TNNT2: variants seen among roughly 807,000 people sequenced by gnomAD.
TNNT2 encodes the protein troponin T, cardiac muscle.
TNNT2 carries 34 observed loss-of-function variants against 62.4 expected under a neutral mutation model. That is an observed-to-expected ratio of 0.54 (90% CI 0.41 to 0.72). The LOEUF (loss-of-function observed/expected upper bound fraction) is 0.72. Ranked by LOEUF, TNNT2 falls within the 30% of genes least tolerant of loss-of-function variation. The pLI is 0.00. For synonymous variants in TNNT2, 123 were observed against 127.2 expected (o/e 0.97, Z 0.22); for missense variants, 275 against 381.9 (o/e 0.72, Z 2.33).
intron 5 of TNNT2, chr1:201,369,251 A>G: frequency 2.1e-6 from 1 of 470,070 alleles, no homozygotes; most frequent in South Asian, 1.6e-5. Context: ...CGCACTTTCT[A>G]AAATTAAGCC....
chr1:201,363,621 G>T, intron 11 of TNNT2: 1 of 560,304 alleles, frequency 1.8e-6, no homozygotes, highest in Non-Finnish European at 3.2e-6. Context: ...ATTCCCAAAT[G>T]TGAGGTCTCG....
intron 5 of TNNT2, 95 bp from the exon 6 acceptor site, chr1:201,368,322 G>A (rs1558239566): frequency 3.1e-6 from 4 of 1,305,272 alleles, no homozygotes; most frequent in African/African-American, 2.9e-5. Flanking sequence ...GAGTGGGGAT[G>A]GGGGTCAAGA....
chr1:201,359,497 C>A, intron 16 of TNNT2, 126 bp downstream of exon 16: 3 of 1,099,196 alleles, frequency 2.7e-6, no homozygotes, highest in Admixed American at 2.0e-5. Context: ...AGAAGGAAAC[C>A]TGTGGGCTGA....
chr1:201,366,622 C>T lies in TNNT2; in HGVS notation c.233+216G>A, dbSNP rs577432469. ...ATAGCCCCATCCCTGCTAGGGTGCA[C>T]GATTGGTGATGGAGTGTTGGGTGGA... On this transcript the variant is annotated intron_variant, in intron 8 of 16. Transcript: ENST00000656932. The T allele has an allele frequency of 4.0e-4, 587 of 1,450,750 alleles. 6 individuals carry two copies. The South Asian group carries it at 7.5e-3, about 19-fold the overall frequency. 89.9% of individuals were successfully genotyped at this position (1,450,750 alleles called of 1,614,324 possible). A position where few individuals can be genotyped will look rare whatever the true frequency, so the allele number is the denominator to read the frequency against.
chr1:201,364,501 T>C (rs1659310567), intron 10 of TNNT2, 126 bp from the exon 11 acceptor site: 1 of 1,018,924 alleles, frequency 9.8e-7, no homozygotes, highest in Middle Eastern at 2.1e-4. Flanking sequence ...CTTGAAGCAA[T>C]GGTGCCCGGC....
intron 1 of TNNT2, chr1:201,374,240 G>A (rs974844770): frequency 8.3e-5 from 12 of 145,258 alleles, no homozygotes; most frequent in African/African-American, 2.8e-4. Context: ...CTGTGTACTA[G>A]TCTTTAATTA....
At chr1:201,366,655 CCTCA>C in intron 8 of TNNT2, 179 bp downstream of exon 8, 1 of 1,493,860 alleles carries the variant, frequency 6.7e-7, no homozygotes, top group South Asian at 1.3e-5. Context: ...GGAATTCAGC[CCTCA>C]CTCACTCCCT....
chr1:201,359,304 AG>A, intron 16 of TNNT2, 49 bp from the exon 17 acceptor site: 1 of 1,596,274 alleles, frequency 6.3e-7, no homozygotes, highest in East Asian at 2.3e-5. Flanking sequence ...GCAGGGTAGT[AG>A]GTCACCATGC....
rs759948627 is a variant in TNNT2 at position 201,361,260 on chromosome 1, G to C, written c.810+19C>G. 2 of 1,612,520 alleles carry C rather than the reference G, an allele frequency of 1.2e-6. No individual in the cohort carries two copies. The highest frequency in any genetic ancestry group is 1.7e-6 in the Non-Finnish European group (2 of 1,178,588). On this transcript the variant is annotated intron_variant, in intron 15 of 16. Transcript: ENST00000656932. ...AGTGTGAGATGGAGATGCTGGGCGG[G>C]GACAGCATGGCGGCCCACCTCATAT...
chr1:201,365,048 T>C (rs766381165), intron 10 of TNNT2, 143 bp downstream of exon 10: 32 of 783,938 alleles, frequency 4.1e-5, no homozygotes, highest in Non-Finnish European at 6.8e-5. Flanking sequence ...TGCAGAATGC[T>C]GGAGGGCCTC....
chr1:201,365,762 G>A (rs2102266391), intron 8 of TNNT2, 92 bp from the exon 9 acceptor site: 1 of 1,567,428 alleles, frequency 6.4e-7, no homozygotes, highest in Admixed American at 1.9e-5. Context: ...CCTTCCTAGA[G>A]AATCTTCCAG....
At chr1:201,360,566 G>A (rs936575814) in intron 15 of TNNT2, 1 of 153,468 alleles carries the variant, frequency 6.5e-6, no homozygotes, top group Non-Finnish European at 1.4e-5. Context: ...ATTGGGAGGT[G>A]GGAGTACCCT....
chr1:201,377,479 C>A, intron 1 of TNNT2, 144 bp downstream of exon 1: 1 of 453,746 alleles, frequency 2.2e-6, no homozygotes, highest in Admixed American at 2.4e-5. Flanking sequence ...AACCTGTCCT[C>A]TGAAGTGTGG....
In TNNT2 at chr1:201,363,337, C is replaced by T. The variant is rs1553281232; in HGVS notation, c.559G>A (p.Ala187Thr). 1.2e-6 allele frequency: 2 copies of T among 1,614,088 alleles called. No homozygotes were observed. The highest frequency in any genetic ancestry group is 1.7e-6 in the Non-Finnish European group (2 of 1,180,040). ...KAEDEARKKKALSNMMHFGGY... is the reference protein window; with the variant it reads ...KAEDEARKKKTLSNMMHFGGY... ...CCAAAATGCATCATGTTGGACAAAG[C>T]CTTCTTCTTCCGGGCCTCATCCTCA... The change falls in exon 12 of 17, where the codon GCT becomes ACT. Residue 187 changes from alanine to threonine, a missense_variant. Ala to Thr is a moderately conservative substitution (Grantham distance 58). Coordinates refer to ENST00000656932, the MANE Select transcript of TNNT2 (RefSeq NM_001276345.2).
chr1:201,365,891 G>A, intron 8 of TNNT2: 2 of 1,412,864 alleles, frequency 1.4e-6, no homozygotes, highest in Non-Finnish European at 1.9e-6. Flanking sequence ...TTCACTTCAT[G>A]CTCATGATAT....
chr1:201,376,845 C>T (rs761063392), intron 1 of TNNT2, among the ~76,000 whole-genome samples: 1 of 152,202 alleles, frequency 6.6e-6, no homozygotes, highest in Non-Finnish European at 1.5e-5. Context: ...GTTACACTTA[C>T]GGGGGCCCAG....
rs371142225 is a variant in TNNT2 at position 201,364,351 on chromosome 1, C to T, written c.436G>A (p.Glu146Lys). ...RIERRRAERA[E>K]QQRIRNEREK... ...CGCTCATTCCGGATGCGCTGCTGCTCGGCCCGCTCTGCCCGACGTCTCTCC... is the reference window on the plus strand; with the variant it reads ...CGCTCATTCCGGATGCGCTGCTGCTTGGCCCGCTCTGCCCGACGTCTCTCC... The change falls in exon 11 of 17, where the codon GAG (glutamate) becomes AAG (lysine). Residue 146 changes from glutamate to lysine, a missense_variant. Transcript: ENST00000656932. 6.2e-6 allele frequency: 10 copies of T among 1,613,104 alleles called. No homozygotes were observed. The highest frequency in any genetic ancestry group is 8.5e-6 in the Non-Finnish European group (10 of 1,180,002).
intron 7 of TNNT2, 75 bp downstream of exon 7, chr1:201,367,696 C>T (rs1454234990): frequency 2.6e-6 from 4 of 1,510,826 alleles, no homozygotes; most frequent in Non-Finnish European, 3.7e-6. Flanking sequence ...GGAAAGAGCA[C>T]TGTGGGCATT....
chr1:201,365,631 A>T lies in TNNT2; in HGVS notation c.273T>A (p.Asp91Glu). The T allele has an allele frequency of 3.1e-6, 5 of 1,614,056 alleles. No individual in the cohort carries two copies. The highest frequency in any genetic ancestry group is 2.5e-6 in the Non-Finnish European group (3 of 1,179,970). The change falls in exon 9 of 17, where the codon GAT becomes GAA. Residue 91 changes from aspartate (D) to glutamate (E), a missense_variant. Physicochemically the swap from Asp to Glu is conservative, Grantham distance 45. Coordinates refer to ENST00000656932, the MANE Select transcript of TNNT2 (RefSeq NM_001276345.2). ...TTACATCAAAGTCCACTCTCTCTCC[A>T]TCGGGGATCTTGGGAGGCACCAAGT... ...MPNLVPPKIP[D>E]GERVDFDDIH...
Sources: gnomAD v4.1 joint callset for allele counts (sites outside exome capture counted in the v4.1 genomes callset) on GRCh38, gnomAD v4.1.1 for gene constraint, MANE v1.5 for transcripts, NCBI Gene and HGNC (gene_info 2026-07-23, HGNC 2026-07-21) for gene names.